Variants in IL25 observed in about 807,000 individuals in gnomAD.
The protein encoded by IL25 is interleukin-25.
IL25 carries 10 observed loss-of-function variants against 13.2 expected under a neutral mutation model. That is an observed-to-expected ratio of 0.76 (90% CI 0.47 to 1.29). The LOEUF (loss-of-function observed/expected upper bound fraction) is 1.29, where lower values mean the gene tolerates loss of function less well. IL25 is among the 50% of genes most tolerant of loss of function. The probability of loss-of-function intolerance (pLI) is 0.00; values close to 1 mark genes in which losing one functional copy is unlikely to be tolerated. For synonymous variants in IL25, 107 were observed against 92.1 expected (o/e 1.16, Z -0.93); for missense variants, 235 against 232.4 (o/e 1.01, Z -0.07).
chr14:23,373,358 A>T, exon 1 of IL25: 1 of 1,613,520 alleles, frequency 6.2e-7, no homozygotes, highest in Non-Finnish European at 8.5e-7. Context: ...GTGAAGATGG[A>T]CCCCTCAACA....
chr14:23,375,745 C>G (rs764298793), exon 2 of IL25: 21 of 1,614,120 alleles, frequency 1.3e-5, no homozygotes, highest in East Asian at 8.9e-5. Context: ...CGGAGCTGCT[C>G]TACCACAACC....
upstream of IL25, chr14:23,372,853 A>G: frequency 2.0e-6 from 2 of 1,016,500 alleles, no homozygotes; most frequent in Non-Finnish European, 3.0e-6. Flanking sequence ...ATTTGAATAA[A>G]CAAAACAGGC....
At chr14:23,373,614 TC>T (rs1315154190) in intron 1 of IL25, among the ~76,000 whole-genome samples, 1 of 151,752 alleles carries the variant, frequency 6.6e-6, no homozygotes, top group Non-Finnish European at 1.5e-5. Context: ...TTTTTTTTTT[TC>T]ACCTGCAAAA....
Position 23,373,156 on chromosome 14 carries a change from T to A in IL25, c.38T>A (p.Leu13His). ...CCCAGATTAGGTGAGGACAGTTCTC[T>A]CATTAGCCTTTTCCTACAGGTGGTT... The change falls in exon 1 of 2, where the codon CTC becomes CAC. Residue 13 changes from leucine to histidine, a missense_variant. Transcript: ENST00000329715. The A allele has an allele frequency of 6.2e-7, 1 of 1,614,226 alleles. No homozygotes were observed. The highest frequency in any genetic ancestry group is 8.5e-7 in the Non-Finnish European group (1 of 1,180,028).
exon 1 of IL25, chr14:23,372,930 C>A: frequency 3.1e-6 from 5 of 1,606,746 alleles, no homozygotes; most frequent in Non-Finnish European, 4.3e-6. Context: ...GCCTGTCAGT[C>A]AGTGCCCCAC....
In IL25 at chr14:23,373,000, G is replaced by A. The variant is rs1480689265; in HGVS notation, c.-119G>A. On this transcript the variant is annotated 5_prime_UTR_variant, in exon 1 of 2. Transcript: ENST00000329715. Reference sequence around the variant, plus strand: ...GGTCAGTGCAGAGGGCTGCCTGAGGGCTGTGCTGAGAGGGAGAGGAGCAGA... The same window carrying A: ...GGTCAGTGCAGAGGGCTGCCTGAGGACTGTGCTGAGAGGGAGAGGAGCAGA... 2.5e-6 allele frequency: 4 copies of A among 1,614,018 alleles called. No homozygotes were observed. In the Admixed American group the frequency reaches 5.0e-5, roughly 20 times the overall value.
At chr14:23,376,164 C>G in exon 2 of IL25, 2 of 445,400 alleles carry the variant, frequency 4.5e-6, no homozygotes, top group South Asian at 6.4e-5. Flanking sequence ...ACTCCTGTCT[C>G]TTCCTCTTTT....
chr14:23,375,755 C>A lies in IL25; in HGVS notation c.409C>A (p.Gln137Lys). 3 of 1,614,254 alleles carry A rather than the reference C, an allele frequency of 1.9e-6. No homozygotes were observed. In the Admixed American group the frequency reaches 5.0e-5, roughly 27 times the overall value. Residue 137 changes from glutamine to lysine, a missense_variant, in exon 2 of 2, where the codon CAG (glutamine) becomes AAG (lysine). By Grantham distance (53) the Gln-to-Lys change is moderately conservative. Coordinates refer to ENST00000329715, the Ensembl canonical transcript of IL25. ...CAACTCGGAGCTGCTCTACCACAAC[C>A]AGACTGTCTTCTACCGGCGGCCATG...
At chr14:23,375,924 C>A in exon 2 of IL25, 1 of 1,598,974 alleles carries the variant, frequency 6.3e-7, no homozygotes, top group Admixed American at 1.7e-5. Context: ...AACCTGGAGC[C>A]AGGTGTACAA....
chr14:23,374,565 G>A (rs1042481228), intron 1 of IL25, among the ~76,000 whole-genome samples: 1 of 152,186 alleles, frequency 6.6e-6, no homozygotes, highest in Non-Finnish European at 1.5e-5. Flanking sequence ...TGATTTATTA[G>A]GGAACCCACT....
At chr14:23,373,374 G>A in exon 1 of IL25, 1 of 1,612,770 alleles carries the variant, frequency 6.2e-7, no homozygotes, top group Non-Finnish European at 8.5e-7. Context: ...CAACAGCAGG[G>A]CCATCTCCCC....
At chr14:23,373,356 G>A in exon 1 of IL25, 2 of 1,613,834 alleles carry the variant, frequency 1.2e-6, no homozygotes, top group Non-Finnish European at 1.7e-6. Flanking sequence ...CAGTGAAGAT[G>A]GACCCCTCAA....
chr14:23,375,737 G>A, exon 2 of IL25: 1 of 1,614,244 alleles, frequency 6.2e-7, no homozygotes, highest in African/African-American at 1.3e-5. Flanking sequence ...GGGCAACTCG[G>A]AGCTGCTCTA....
At chr14:23,374,034 T>C (rs1447007406) in intron 1 of IL25, among the ~76,000 whole-genome samples, 1 of 152,174 alleles carries the variant, frequency 6.6e-6, no homozygotes, top group Admixed American at 6.5e-5. Flanking sequence ...TGAAGCAAAA[T>C]ATTAAAAACT....
chr14:23,376,018 G>T (rs1048092358), exon 2 of IL25: 9 of 1,155,878 alleles, frequency 7.8e-6, no homozygotes, highest in African/African-American at 6.2e-5. Flanking sequence ...GGGACAGGAT[G>T]GGGGGCTTTG....
At chr14:23,375,525 C>A in intron 1 of IL25, 100 bp from the exon 3 acceptor site, 1 of 1,431,676 alleles carries the variant, frequency 7.0e-7, no homozygotes, top group Non-Finnish European at 9.6e-7. Flanking sequence ...GAGGCCAAGG[C>A]CCCAGACGGA....
chr14:23,376,227 T>G lies in IL25; in HGVS notation c.*347T>G, dbSNP rs11465522. ...CAGGCACTTTCTAGATATTTCCCCC[T>G]TGCTGGAGAAGAAAGAGCCCCTGGT... On this transcript the variant is annotated 3_prime_UTR_variant, in exon 2 of 2. Transcript: ENST00000329715. The G allele has an allele frequency of 5.7e-3, 1,582 of 278,470 alleles. 36 individuals are homozygous for G. The highest frequency in any genetic ancestry group is 0.032 in the African/African-American group (1,461 of 45,116). The allele number at this position is 278,470 out of a possible 1,614,324, so 17.2% of individuals were successfully genotyped here. A position where few individuals can be genotyped will look rare whatever the true frequency, so the allele number is the denominator to read the frequency against.
chr14:23,373,740 G>GT (rs1430972482), intron 1 of IL25, among the ~76,000 whole-genome samples: 1 of 152,094 alleles, frequency 6.6e-6, no homozygotes, highest in South Asian at 2.1e-4. Context: ...AATGGCCCAT[G>GT]TTTTTTCTGG....
At chr14:23,374,569 A>G (rs1430935757) in intron 1 of IL25, among the ~76,000 whole-genome samples, 1 of 152,160 alleles carries the variant, frequency 6.6e-6, no homozygotes. Flanking sequence ...TTATTAGGGA[A>G]CCCACTTTGG....
Sources: allele counts gnomAD v4.1 joint callset (sites outside exome capture counted in the v4.1 genomes callset), GRCh38; gene constraint gnomAD v4.1.1; transcripts MANE v1.5; gene names NCBI Gene and HGNC (gene_info 2026-07-23, HGNC 2026-07-21).